The following VEGFC variants were observed in gnomAD, a reference collection of about 807,000 sequenced individuals.
VEGFC encodes the protein vascular endothelial growth factor C.
Under a neutral mutation model 46.1 loss-of-function variants are expected in VEGFC, and 12 were observed. The observed-to-expected ratio is 0.26, with a 90% CI of 0.17 to 0.42. The LOEUF (loss-of-function observed/expected upper bound fraction) is 0.42, where lower values mean the gene tolerates loss of function less well. Among genes scored for constraint, VEGFC ranks in the 10% least tolerant of loss-of-function variants. VEGFC has a pLI of 1.00. For missense variants in VEGFC, 488 were observed against 529.4 expected, an observed-to-expected ratio of 0.92 and a Z score of 0.77; for synonymous variants, 232 against 195.5, an observed-to-expected ratio of 1.19 and a Z score of -1.56.
At chr4:176,718,684 ACTT>A (rs1734733993) in intron 3 of VEGFC, among the ~76,000 whole-genome samples, 2 of 152,114 alleles carry the variant, frequency 1.3e-5, no homozygotes, top group Non-Finnish European at 2.9e-5. Flanking sequence ...ACAGCAAAGA[ACTT>A]CTAGTTCCTT....
intron 1 of VEGFC, among the ~76,000 whole-genome samples, chr4:176,744,364 A>AG (rs556335916): frequency 2.2e-3 from 338 of 152,092 alleles, no homozygotes; most frequent in African/African-American, 7.6e-3. Flanking sequence ...GAAAAAAAAA[A>AG]CCTATTTTCT....
chr4:176,727,990 AG>A, intron 2 of VEGFC, 22 bp from the exon 3 acceptor site: 1 of 1,556,746 alleles, frequency 6.4e-7, no homozygotes, highest in African/African-American at 1.4e-5. Context: ...TAGGGAAATC[AG>A]TAAGTTTTAC....
At chr4:176,784,644 T>C (rs1370222788) in intron 1 of VEGFC, among the ~76,000 whole-genome samples, 3 of 148,886 alleles carry the variant, frequency 2.0e-5, no homozygotes, top group Non-Finnish European at 4.4e-5. Context: ...TTCCAGCTAC[T>C]CAGGAGGCTG....
Position 176,729,698 on chromosome 4 carries a change from C to T in VEGFC, c.196G>A (p.Val66Ile), listed in dbSNP as rs765928622. ...TAGAGTACAGTCATGAGTTCATCTA[C>T]ACTGGACACAGACCGTAACTGCTCC... ...LEEQLRSVSS[V>I]DELMTVLYPE... Residue 66 changes from valine to isoleucine, a missense_variant, in exon 2 of 7, where the codon GTA becomes ATA. By Grantham distance (29) the Val-to-Ile change is conservative. Transcript: ENST00000618562. 4 of 1,612,478 alleles carry T rather than the reference C, an allele frequency of 2.5e-6. No individual in the cohort carries two copies. The highest frequency in any genetic ancestry group is 4.5e-5 in the East Asian group (2 of 44,826).
intron 1 of VEGFC, among the ~76,000 whole-genome samples, chr4:176,736,586 A>C (rs753372567): frequency 2.6e-5 from 4 of 151,828 alleles, no homozygotes; most frequent in Non-Finnish European, 5.9e-5. Flanking sequence ...ATAAGTATTA[A>C]GATATTTTCT....
intron 6 of VEGFC, among the ~76,000 whole-genome samples, chr4:176,686,357 G>T (rs1734041621): frequency 6.6e-6 from 1 of 152,180 alleles, no homozygotes; most frequent in Admixed American, 6.5e-5. Context: ...TTTTTGAGCA[G>T]CTTTGAAGAG....
chr4:176,715,725 A>C (rs1412603622), intron 3 of VEGFC, among the ~76,000 whole-genome samples: 1 of 149,098 alleles, frequency 6.7e-6, no homozygotes, highest in Non-Finnish European at 1.5e-5. Flanking sequence ...GAATTTCCGT[A>C]AGCTTTTTTT....
At chr4:176,724,796 T>C (rs139589608) in intron 3 of VEGFC, among the ~76,000 whole-genome samples, 15 of 152,272 alleles carry the variant, frequency 9.9e-5, no homozygotes, top group South Asian at 6.2e-4. Flanking sequence ...GGGGCAGAGA[T>C]TGCAGGTTGT....
chr4:176,740,943 G>A (rs1277685737), intron 1 of VEGFC, among the ~76,000 whole-genome samples: 2 of 151,874 alleles, frequency 1.3e-5, no homozygotes, highest in Non-Finnish European at 2.9e-5. Flanking sequence ...TCATCGATTA[G>A]TTAACCAGGT....
chr4:176,715,407 A>G (rs896397554), intron 3 of VEGFC, among the ~76,000 whole-genome samples: 1 of 152,176 alleles, frequency 6.6e-6, no homozygotes, highest in African/African-American at 2.4e-5. Flanking sequence ...GAGTCTTGAT[A>G]ATTGAGTTTT....
chr4:176,713,892 C>G (rs1734656562), intron 3 of VEGFC, among the ~76,000 whole-genome samples: 1 of 152,086 alleles, frequency 6.6e-6, no homozygotes, highest in Non-Finnish European at 1.5e-5. Flanking sequence ...GGCCACATGT[C>G]TTCGGGAAGT....
intron 1 of VEGFC, among the ~76,000 whole-genome samples, chr4:176,753,419 C>G (rs1735372104): frequency 6.6e-6 from 1 of 152,046 alleles, no homozygotes; most frequent in Non-Finnish European, 1.5e-5. Flanking sequence ...GCAGGCAGCT[C>G]TTTTGGTCAC....
At chr4:176,759,655 A>T (rs1256210261) in intron 1 of VEGFC, among the ~76,000 whole-genome samples, 1 of 152,164 alleles carries the variant, frequency 6.6e-6, no homozygotes, top group Non-Finnish European at 1.5e-5. Context: ...GTTTGATTTA[A>T]TCATTCCACA....
intron 4 of VEGFC, among the ~76,000 whole-genome samples, chr4:176,699,042 AT>A (rs1340446949): frequency 6.6e-6 from 1 of 152,178 alleles, no homozygotes; most frequent in Non-Finnish European, 1.5e-5. Context: ...GCACATGATG[AT>A]TTTCTTGAAA....
intron 1 of VEGFC, among the ~76,000 whole-genome samples, chr4:176,759,263 GA>G (rs932836235): frequency 1.4e-4 from 22 of 151,962 alleles, no homozygotes; most frequent in African/African-American, 2.4e-4. Context: ...ACAGTGGGGG[GA>G]AAAAAGGTAC....
intron 4 of VEGFC, among the ~76,000 whole-genome samples, chr4:176,702,895 G>A (rs188279432): frequency 6.6e-6 from 1 of 152,144 alleles, no homozygotes; most frequent in East Asian, 1.9e-4. Flanking sequence ...TACACCAGGT[G>A]TACAGATAGC....
chr4:176,754,533 C>G (rs1392506379), intron 1 of VEGFC, among the ~76,000 whole-genome samples: 1 of 152,018 alleles, frequency 6.6e-6, no homozygotes, highest in Admixed American at 6.6e-5. Context: ...CCATCAATGA[C>G]CAGATGAGTC....
chr4:176,710,604 C>CT, intron 4 of VEGFC, among the ~76,000 whole-genome samples: 1 of 152,132 alleles, frequency 6.6e-6, no homozygotes, highest in Middle Eastern at 3.4e-3. Flanking sequence ...GTAAGGTTTT[C>CT]TTTTTTGTAA....
chr4:176,719,877 G>A (rs1027726808), intron 3 of VEGFC, among the ~76,000 whole-genome samples: 3 of 151,946 alleles, frequency 2.0e-5, no homozygotes, highest in Admixed American at 6.6e-5. Context: ...CCTGGCCAAC[G>A]TGGTGAAAAC....
Sources: gnomAD v4.1 joint callset for allele counts (sites outside exome capture counted in the v4.1 genomes callset) on GRCh38, gnomAD v4.1.1 for gene constraint, MANE v1.5 for transcripts, NCBI Gene and HGNC (gene_info 2026-07-23, HGNC 2026-07-21) for gene names.